Variants in ADK observed in about 807,000 individuals in gnomAD.
The protein encoded by ADK is adenosine kinase, also known as N6,N6-dimethyladenosine kinase.
Under a neutral mutation model 44.7 loss-of-function variants are expected in ADK, and 24 were observed. The observed-to-expected ratio is 0.54, with a 90% CI of 0.39 to 0.76. ADK has a LOEUF of 0.76. ADK is among the 30% of genes least tolerant of loss of function. The pLI is 0.00. For missense variants in ADK, 321 were observed against 425.1 expected (o/e 0.76, Z 2.15); for synonymous variants, 128 against 142.6 (o/e 0.90, Z 0.73).
chr10:74,681,588 G>A (rs533538951), intron 10 of ADK, among the ~76,000 whole-genome samples: 2 of 152,308 alleles, frequency 1.3e-5, no homozygotes, highest in African/African-American at 2.4e-5. Flanking sequence ...GCTCATGCCT[G>A]TAATCTCAGC....
chr10:74,698,266 G>A (rs1856278241), intron 10 of ADK, among the ~76,000 whole-genome samples: 1 of 152,178 alleles, frequency 6.6e-6, no homozygotes, highest in African/African-American at 2.4e-5. Flanking sequence ...AACTGCCTCA[G>A]CATATGAGTT....
At chr10:74,206,975 G>A (rs1393717859) in intron 2 of ADK, among the ~76,000 whole-genome samples, 1 of 152,166 alleles carries the variant, frequency 6.6e-6, no homozygotes, top group African/African-American at 2.4e-5. Context: ...CATGCTACCA[G>A]CCTGGATCCC....
chr10:74,472,998 T>C (rs1398929219), intron 6 of ADK, among the ~76,000 whole-genome samples: 3 of 152,068 alleles, frequency 2.0e-5, no homozygotes, highest in Non-Finnish European at 4.4e-5. Flanking sequence ...TTGTTTGTTT[T>C]CATTTTTTTG....
At chr10:74,658,795 A>G (rs1234780346) in intron 9 of ADK, among the ~76,000 whole-genome samples, 4 of 152,152 alleles carry the variant, frequency 2.6e-5, no homozygotes, top group African/African-American at 7.2e-5. Flanking sequence ...CCAGGTTGAC[A>G]TGAACAGCTT....
At chr10:74,645,980 A>G (rs963647341) in intron 9 of ADK, among the ~76,000 whole-genome samples, 3 of 152,220 alleles carry the variant, frequency 2.0e-5, no homozygotes, top group African/African-American at 7.2e-5. Flanking sequence ...AACATCTGCA[A>G]CTTCGATCTT....
At chr10:74,302,090 GTTTTTTTTTTGTTTGTTTGT>G (rs762178240) in intron 3 of ADK, among the ~76,000 whole-genome samples, 1 of 17,032 alleles carries the variant, frequency 5.9e-5, no homozygotes, top group African/African-American at 2.6e-4. Context: ...TTTCTTTTCT[GTTTTTTTTTTGTTTGTTTGT>G]TTTTTTTTTT....
intron 9 of ADK, among the ~76,000 whole-genome samples, chr10:74,635,167 A>G (rs1450201752): frequency 6.6e-6 from 1 of 152,238 alleles, no homozygotes; most frequent in Non-Finnish European, 1.5e-5. Context: ...GAATAAATAC[A>G]AAGAAAACCA....
At chr10:74,490,876 T>C (rs1273380346) in intron 6 of ADK, among the ~76,000 whole-genome samples, 1 of 152,092 alleles carries the variant, frequency 6.6e-6, no homozygotes, top group Non-Finnish European at 1.5e-5. Flanking sequence ...AGGTTGGAAA[T>C]AATGGTGTCC....
chr10:74,161,150 C>G (rs916920818), intron 1 of ADK, among the ~76,000 whole-genome samples: 1 of 152,198 alleles, frequency 6.6e-6, no homozygotes. Flanking sequence ...TGCCTCATAA[C>G]TGATCACTTC....
At chr10:74,342,107 C>T (rs1003338321) in intron 4 of ADK, among the ~76,000 whole-genome samples, 1 of 152,156 alleles carries the variant, frequency 6.6e-6, no homozygotes, top group African/African-American at 2.4e-5. Context: ...ACTCAATTAT[C>T]CCTCCTTGGC....
At chr10:74,252,217 G>A (rs544246470) in intron 3 of ADK, among the ~76,000 whole-genome samples, 1 of 152,226 alleles carries the variant, frequency 6.6e-6, no homozygotes, top group East Asian at 1.9e-4. Context: ...AACACTGGAT[G>A]GCACAGTGAA....
rs569651339 is a variant in ADK, at chr10:74,561,882, CT to C, written c.727-27397del. The stretch of plus-strand genomic sequence containing the variant: ...GCTCTCTTTCAAAGGGCTCACCTAA[CT>C]TTGCCTTGTAATTTTCTATAATGGA... On this transcript the variant is annotated intron_variant, in intron 7 of 10. Transcript: ENST00000539909. Among the ~76,000 whole-genome samples, 27 of 152,308 alleles carry C rather than the reference CT, an allele frequency of 1.8e-4. No homozygotes were observed. The East Asian group carries it at 5.0e-3, about 28-fold the overall frequency.
At chr10:74,441,349 C>G (rs1845400272) in intron 6 of ADK, among the ~76,000 whole-genome samples, 1 of 152,114 alleles carries the variant, frequency 6.6e-6, no homozygotes. Context: ...CCTCAAAAGG[C>G]TAAACACAGA....
chr10:74,378,753 G>T (rs1842890342), intron 4 of ADK, among the ~76,000 whole-genome samples: 1 of 152,096 alleles, frequency 6.6e-6, no homozygotes. Flanking sequence ...GGGAAATCCA[G>T]TTCAGTGGAG....
intron 7 of ADK, among the ~76,000 whole-genome samples, chr10:74,534,036 T>G (rs953969588): frequency 3.3e-5 from 5 of 152,218 alleles, no homozygotes; most frequent in South Asian, 2.1e-4. Flanking sequence ...TAAAGTACAT[T>G]CTATATGATT....
chr10:74,599,350 G>A (rs547832613), intron 8 of ADK, among the ~76,000 whole-genome samples: 3 of 152,218 alleles, frequency 2.0e-5, no homozygotes, highest in South Asian at 4.1e-4. Flanking sequence ...CCAGTTTCTG[G>A]TGACGTTTGT....
rs569295906 is a variant in ADK at position 74,620,635 on chromosome 10, A to G, written c.877+20142A>G. 6.6e-5 allele frequency among the ~76,000 whole-genome samples: 10 copies of G among 152,130 alleles called. No individual in the cohort carries two copies. In the South Asian group the frequency reaches 1.2e-3, roughly 19 times the overall value. On this transcript the variant is annotated intron_variant, in intron 9 of 10. Coordinates refer to ENST00000539909, the MANE Select transcript of ADK (RefSeq NM_006721.4). Reference sequence around the variant, plus strand: ...TTCCTTTCCTTTGGAGAAATACCCAATAGTGGGATTGCTGGATCATATGGT... The same window carrying G: ...TTCCTTTCCTTTGGAGAAATACCCAGTAGTGGGATTGCTGGATCATATGGT...
chr10:74,373,146 A>C (rs921237095), intron 4 of ADK, among the ~76,000 whole-genome samples: 1 of 152,002 alleles, frequency 6.6e-6, no homozygotes, highest in Non-Finnish European at 1.5e-5. Context: ...CTGGACCCCT[A>C]TCTCATATGC....
At chr10:74,693,185 G>A (rs1166940933) in intron 10 of ADK, among the ~76,000 whole-genome samples, 2 of 152,084 alleles carry the variant, frequency 1.3e-5, no homozygotes, top group African/African-American at 4.8e-5. Flanking sequence ...ATGGCTCATC[G>A]ATTGTAACAA....
Sources: gnomAD v4.1 joint callset for allele counts (sites outside exome capture counted in the v4.1 genomes callset) on GRCh38, gnomAD v4.1.1 for gene constraint, MANE v1.5 for transcripts, NCBI Gene and HGNC (gene_info 2026-07-23, HGNC 2026-07-21) for gene names.